ITPR1: variants seen among roughly 807,000 people sequenced by gnomAD.
ITPR1 encodes inositol 1,4,5-trisphosphate-gated calcium channel ITPR1.
In ITPR1, 96 loss-of-function variants were observed where a neutral mutation model predicts 318.4. The observed-to-expected ratio is 0.30, with a 90% CI of 0.26 to 0.36. The LOEUF (loss-of-function observed/expected upper bound fraction) is 0.36, where lower values mean the gene tolerates loss of function less well. Among genes scored for constraint, ITPR1 ranks in the 10% least tolerant of loss-of-function variants. The probability of loss-of-function intolerance (pLI) is 1.00; values close to 1 mark genes in which losing one functional copy is unlikely to be tolerated. For synonymous variants in ITPR1, 1,312 were observed against 1,289.9 expected (o/e 1.02, Z -0.37); for missense variants, 2,440 against 3,460.2 (o/e 0.71, Z 7.40).
chr3:4,661,201 T>A (rs1247121234), intron 14 of ITPR1, 114 bp downstream of exon 14: 1 of 598,744 alleles, frequency 1.7e-6, no homozygotes, highest in African/African-American at 1.9e-5. Context: ...TTGGCGAGAG[T>A]GTGGTCATGG....
rs201122751 is a variant in ITPR1 at position 4,565,092 on chromosome 3, C to T, written c.163+43998C>T. ...TTTATTTAATAACATCTGGTGTGTA[C>T]TGAGCATTGGTAGGCTCCTCTGTGA... On this transcript the variant is annotated intron_variant, in intron 4 of 61. Transcript: ENST00000649015. Among the ~76,000 whole-genome samples the T allele has an allele frequency of 2.4e-4, 36 of 152,254 alleles. 1 individual carries two copies. In the East Asian group the frequency reaches 6.2e-3, roughly 26 times the overall value.
In ITPR1 at chr3:4,847,336, CTT is replaced by C. The variant is rs960109979; in HGVS notation, c.*1114_*1115del. 1 of 138,318 alleles carries C rather than the reference CTT, an allele frequency of 7.2e-6. No homozygotes were observed. The highest frequency in any genetic ancestry group is 2.7e-5 in the African/African-American group (1 of 36,996). The allele number at this position is 138,318 out of a possible 1,614,324, so 8.6% of individuals were successfully genotyped here. On this transcript the variant is annotated 3_prime_UTR_variant, in exon 62 of 62. Transcript: ENST00000649015. ...GATGGATGAAAAATATGAAAGGAAA[CTT>C]TTATATCTGTTGCCTAGTTTTGTAC...
chr3:4,658,029 T>G (rs1397784043), intron 12 of ITPR1, 95 bp from the exon 13 acceptor site: 2 of 1,240,558 alleles, frequency 1.6e-6, no homozygotes, highest in East Asian at 4.8e-5. Context: ...ACATTCACGA[T>G]CCTTTCTTCT....
chr3:4,593,236 GT>G (rs1323011238), intron 4 of ITPR1, among the ~76,000 whole-genome samples: 2 of 152,164 alleles, frequency 1.3e-5, no homozygotes, highest in Non-Finnish European at 2.9e-5. Flanking sequence ...TACTTTACCT[GT>G]TGGTTTCATG....
intron 44 of ITPR1, among the ~76,000 whole-genome samples, chr3:4,761,600 C>G (rs77085038): frequency 0.011 from 1,615 of 152,292 alleles, 30 homozygotes; most frequent in African/African-American, 0.036. Context: ...GAAGGGCTAC[C>G]TCACACCTGC....
At chr3:4,624,551 T>C (rs1339656234) in intron 4 of ITPR1, among the ~76,000 whole-genome samples, 1 of 150,970 alleles carries the variant, frequency 6.6e-6, no homozygotes, top group African/African-American at 2.4e-5. Flanking sequence ...CACCTGTAAT[T>C]CCAGCCACCT....
In ITPR1 at chr3:4,691,364, G is replaced by C; in HGVS notation, c.4029+20G>C. ...GCCGAGGTGATTGTTATATATTTCTGTATACCTCCATCTGGTGTTCTGTAG... is the reference window on the plus strand; with the variant it reads ...GCCGAGGTGATTGTTATATATTTCTCTATACCTCCATCTGGTGTTCTGTAG... On this transcript the variant is annotated intron_variant, in intron 32 of 61. Transcript: ENST00000649015. 2.0e-6 allele frequency: 3 copies of C among 1,514,058 alleles called. No individual in the cohort carries two copies. Among genetic ancestry groups the C allele is most frequent in the Non-Finnish European group, 1.8e-6 (2 of 1,091,644 alleles). The allele number at this position is 1,514,058 out of a possible 1,614,324, so 93.8% of individuals were successfully genotyped here. A position where few individuals can be genotyped will look rare whatever the true frequency, so the allele number is the denominator to read the frequency against.
chr3:4,667,239 G>A, intron 17 of ITPR1, 138 bp from the exon 18 acceptor site: 1 of 547,862 alleles, frequency 1.8e-6, no homozygotes, highest in Non-Finnish European at 3.0e-6. Flanking sequence ...GAAAGTTGTA[G>A]GAAGACCCTC....
At chr3:4,837,240 A>C (rs1319587983) in intron 61 of ITPR1, among the ~76,000 whole-genome samples, 1 of 152,110 alleles carries the variant, frequency 6.6e-6, no homozygotes, top group East Asian at 1.9e-4. Context: ...CTGTCCAAAA[A>C]CCACTATGCA....
intron 4 of ITPR1, among the ~76,000 whole-genome samples, chr3:4,595,482 C>T (rs1230842194): frequency 6.6e-6 from 1 of 152,220 alleles, no homozygotes; most frequent in Non-Finnish European, 1.5e-5. Context: ...CACCAGGTCT[C>T]ACCTCCAACA....
chr3:4,734,522 T>A (rs568930474), intron 43 of ITPR1, among the ~76,000 whole-genome samples: 2 of 152,254 alleles, frequency 1.3e-5, no homozygotes, highest in Non-Finnish European at 2.9e-5. Flanking sequence ...GTTCATGGTT[T>A]AGTTATTGCC....
At chr3:4,515,583 A>G (rs761258302) in intron 2 of ITPR1, among the ~76,000 whole-genome samples, 3 of 152,104 alleles carry the variant, frequency 2.0e-5, no homozygotes, top group Non-Finnish European at 2.9e-5. Flanking sequence ...GCTTTTTACA[A>G]TTGGTTCCCA....
At chr3:4,531,604 A>G (rs1416349777) in intron 4 of ITPR1, among the ~76,000 whole-genome samples, 2 of 152,164 alleles carry the variant, frequency 1.3e-5, no homozygotes, top group Non-Finnish European at 2.9e-5. Flanking sequence ...TCTCAGCCTT[A>G]TCTGCAGTAA....
At chr3:4,495,202 C>T (rs928074618) in intron 2 of ITPR1, among the ~76,000 whole-genome samples, 1 of 150,124 alleles carries the variant, frequency 6.7e-6, no homozygotes, top group African/African-American at 2.5e-5. Flanking sequence ...TCAACGGGTG[C>T]ACGTACATCA....
intron 2 of ITPR1, among the ~76,000 whole-genome samples, chr3:4,514,759 T>C (rs1462865956): frequency 6.6e-6 from 1 of 152,266 alleles, no homozygotes; most frequent in Non-Finnish European, 1.5e-5. Flanking sequence ...CTTAGAAGTA[T>C]GCTGACTTCC....
At chr3:4,720,847 C>T (rs1037695688) in intron 40 of ITPR1, among the ~76,000 whole-genome samples, 1 of 152,018 alleles carries the variant, frequency 6.6e-6, no homozygotes, top group African/African-American at 2.4e-5. Context: ...CTTCAGGGGG[C>T]GTTCTCATGA....
intron 10 of ITPR1, 51 bp downstream of exon 10, chr3:4,645,779 T>C: frequency 7.0e-7 from 1 of 1,434,452 alleles, no homozygotes; most frequent in Admixed American, 2.2e-5. Flanking sequence ...TATCAGCCTG[T>C]ATATAGGCTC....
intron 4 of ITPR1, among the ~76,000 whole-genome samples, chr3:4,615,373 CTTTTTT>C (rs11330102): frequency 8.1e-6 from 1 of 122,828 alleles, no homozygotes; most frequent in Non-Finnish European, 1.7e-5. Context: ...TGATTTCTTT[CTTTTTT>C]TTTTTTTTTT....
At chr3:4,596,663 A>G (rs563946798) in intron 4 of ITPR1, among the ~76,000 whole-genome samples, 50 of 152,316 alleles carry the variant, frequency 3.3e-4, no homozygotes, top group African/African-American at 1.2e-3. Context: ...ATTCTGGTAG[A>G]TGGAACTGTC....
Sources: allele counts gnomAD v4.1 joint callset (sites outside exome capture counted in the v4.1 genomes callset), GRCh38; gene constraint gnomAD v4.1.1; transcripts MANE v1.5; gene names NCBI Gene and HGNC (gene_info 2026-07-23, HGNC 2026-07-21).